Variants in APOL3 observed in about 807,000 individuals in gnomAD.
The protein encoded by APOL3 is TNF-inducible protein CG12-1.
Under a neutral mutation model 11.6 loss-of-function variants are expected in APOL3, and 14 were observed. The ratio of observed to expected loss-of-function variants is 1.21; its 90% CI spans 0.80 to 1.89. The LOEUF is 1.89. APOL3 is among the 40% of genes most tolerant of loss of function. The probability of loss-of-function intolerance (pLI) is 0.00; values close to 1 mark genes in which losing one functional copy is unlikely to be tolerated. For missense variants in APOL3, 483 were observed against 492.1 expected (o/e 0.98, Z 0.17); for synonymous variants, 192 against 190.6 (o/e 1.01, Z -0.06).
At chr22:36,141,650 G>A (rs368420143) in exon 3 of APOL3, 17 of 1,614,094 alleles carry the variant, frequency 1.1e-5, no homozygotes, top group Non-Finnish European at 1.4e-5. Context: ...CAGTCAGCCT[G>A]CTGGCTTCAG....
At chr22:36,143,542 G>C (rs975480236) in intron 2 of APOL3, among the ~76,000 whole-genome samples, 1 of 152,186 alleles carries the variant, frequency 6.6e-6, no homozygotes, top group East Asian at 1.9e-4. Context: ...TAAAACCTCA[G>C]ACTGGAAGAG....
chr22:36,141,397 G>A lies in APOL3; in HGVS notation c.1012C>T (p.Arg338Trp), dbSNP rs765336780. The A allele has an allele frequency of 1.6e-5, 26 of 1,614,018 alleles. No individual in the cohort carries two copies. The South Asian group carries it at 2.5e-4, about 16-fold the overall frequency. Residue 338 changes from arginine (R) to tryptophan (W), a missense_variant, in exon 3 of 3, where the codon CGG becomes TGG. Transcript: ENST00000349314. The stretch of plus-strand genomic sequence containing the variant: ...CCTGAAGTGGTCGCACTCAGGATCC[G>A]GGCTCCTCTGCTCACTGCCCGGGTG...
chr22:36,145,960 C>T (rs769554264), intron 1 of APOL3, among the ~76,000 whole-genome samples: 37 of 126,526 alleles, frequency 2.9e-4, no homozygotes, highest in African/African-American at 1.0e-3. Flanking sequence ...TGCCTTCCAG[C>T]CCTCTCTCCC....
At chr22:36,152,710 G>A (rs2011973408) in intron 1 of APOL3, among the ~76,000 whole-genome samples, 1 of 152,176 alleles carries the variant, frequency 6.6e-6, no homozygotes, top group South Asian at 2.1e-4. Context: ...CCTAGCTAGT[G>A]ACAGCCAGAA....
At chr22:36,151,000 G>A (rs2060411377) in intron 1 of APOL3, among the ~76,000 whole-genome samples, 2 of 152,178 alleles carry the variant, frequency 1.3e-5, no homozygotes, top group African/African-American at 4.8e-5. Context: ...AGGGGTAAAG[G>A]GATCTGCAAT....
chr22:36,147,529 C>G (rs1363160099), intron 1 of APOL3, among the ~76,000 whole-genome samples: 2 of 152,198 alleles, frequency 1.3e-5, no homozygotes, highest in Non-Finnish European at 2.9e-5. Flanking sequence ...CTTCCCTGCC[C>G]TCTCCTCATC....
intron 1 of APOL3, chr22:36,156,063 G>T: frequency 4.6e-6 from 1 of 216,058 alleles, no homozygotes; most frequent in South Asian, 9.6e-5. Context: ...AGGGAGAGAG[G>T]GGTGAAGACA....
At chr22:36,156,340 T>C (rs901656979) in intron 1 of APOL3, among the ~76,000 whole-genome samples, 2 of 152,150 alleles carry the variant, frequency 1.3e-5, no homozygotes, top group African/African-American at 4.8e-5. Flanking sequence ...CGAGGGATCC[T>C]CCTGCATTAG....
intron 1 of APOL3, among the ~76,000 whole-genome samples, chr22:36,159,857 T>C (rs1205947030): frequency 6.6e-6 from 1 of 151,894 alleles, no homozygotes; most frequent in East Asian, 1.9e-4. Context: ...GGGTTCCTTG[T>C]TATCTCTTTT....
intron 1 of APOL3, among the ~76,000 whole-genome samples, chr22:36,151,507 G>A (rs1003898758): frequency 1.3e-5 from 2 of 151,440 alleles, no homozygotes; most frequent in African/African-American, 4.9e-5. Context: ...AAAGGTGATT[G>A]AGAAAATAAA....
chr22:36,141,623 T>C, exon 3 of APOL3: 1 of 1,614,190 alleles, frequency 6.2e-7, no homozygotes, highest in African/African-American at 1.3e-5. Context: ...ATACCTTCAA[T>C]CGGTCAATGC....
intron 1 of APOL3, among the ~76,000 whole-genome samples, chr22:36,156,501 CT>C (rs2012864768): frequency 6.6e-6 from 1 of 152,178 alleles, no homozygotes; most frequent in Non-Finnish European, 1.5e-5. Flanking sequence ...ACACAGTCAC[CT>C]TGGGTCCAGG....
At chr22:36,140,891 C>T in exon 3 of APOL3, 1 of 315,290 alleles carries the variant, frequency 3.2e-6, no homozygotes. Context: ...CTGGTTCCTG[C>T]ACACCTCCCC....
intron 2 of APOL3, among the ~76,000 whole-genome samples, chr22:36,144,278 C>T (rs2060105533): frequency 6.6e-6 from 1 of 152,160 alleles, no homozygotes; most frequent in African/African-American, 2.4e-5. Flanking sequence ...AGCCTTCCTG[C>T]TGCTCCTCCA....
At chr22:36,146,520 G>A (rs2060227138) in intron 1 of APOL3, 1 of 151,922 alleles carries the variant, frequency 6.6e-6, no homozygotes, top group African/African-American at 2.4e-5. Context: ...CAGCAAGAGT[G>A]AGTATTCTTT....
intron 1 of APOL3, chr22:36,149,131 T>A (rs1569529289): frequency 5.8e-6 from 8 of 1,367,572 alleles, no homozygotes; most frequent in Non-Finnish European, 7.8e-6. Context: ...GGGTTCGTTT[T>A]TTTTCTTAAC....
intron 2 of APOL3, among the ~76,000 whole-genome samples, chr22:36,144,672 T>A (rs946498698): frequency 2.0e-5 from 3 of 152,098 alleles, no homozygotes; most frequent in African/African-American, 2.4e-5. Flanking sequence ...GTCAAGATTT[T>A]TCTGGCTTTT....
intron 2 of APOL3, 140 bp from the exon 4 acceptor site, chr22:36,142,198 A>C: frequency 1.0e-6 from 1 of 987,466 alleles, no homozygotes; most frequent in Non-Finnish European, 1.4e-6. Context: ...TAAATGGAAA[A>C]ATTTAAAATA....
chr22:36,157,674 G>A (rs1289658514), intron 1 of APOL3, among the ~76,000 whole-genome samples: 2 of 152,174 alleles, frequency 1.3e-5, no homozygotes, highest in East Asian at 1.9e-4. Flanking sequence ...TAGGAAGCAC[G>A]GTTTGCAATA....
Sources: allele counts gnomAD v4.1 joint callset (sites outside exome capture counted in the v4.1 genomes callset), GRCh38; gene constraint gnomAD v4.1.1; transcripts MANE v1.5; gene names NCBI Gene and HGNC (gene_info 2026-07-23, HGNC 2026-07-21).